Variants in UBA6 observed in about 807,000 individuals in gnomAD.
UBA6 encodes the protein ubiquitin-like modifier-activating enzyme 6.
A neutral mutation model predicts 148.3 loss-of-function variants in UBA6; 87 were observed. The observed-to-expected ratio is 0.59, with a 90% CI of 0.49 to 0.70. The LOEUF is 0.70. Ranked by LOEUF, UBA6 falls within the 30% of genes least tolerant of loss-of-function variation. The pLI, the probability that UBA6 is intolerant of heterozygous loss-of-function variation, is 0.00. For missense variants in UBA6, 1,186 were observed against 1,241.2 expected, an observed-to-expected ratio of 0.96 and a Z score of 0.67; for synonymous variants, 376 against 401.0, an observed-to-expected ratio of 0.94 and a Z score of 0.75.
chr4:67,699,934 A>G (rs993242745), intron 1 of UBA6, among the ~76,000 whole-genome samples: 5 of 151,996 alleles, frequency 3.3e-5, no homozygotes, highest in African/African-American at 1.2e-4. Flanking sequence ...CTTTCCTATC[A>G]TTTTATCCCT....
intron 22 of UBA6, among the ~76,000 whole-genome samples, chr4:67,633,910 G>A (rs1334725512): frequency 6.6e-6 from 1 of 151,928 alleles, no homozygotes; most frequent in African/African-American, 2.4e-5. Flanking sequence ...ATTTTAACTA[G>A]AACTTACCTC....
intron 6 of UBA6, among the ~76,000 whole-genome samples, chr4:67,674,316 C>G (rs1730223942): frequency 6.6e-6 from 1 of 152,146 alleles, no homozygotes; most frequent in South Asian, 2.1e-4. Context: ...GCCATGAATG[C>G]AAGGCCCTTA....
intron 17 of UBA6, 150 bp downstream of exon 17, chr4:67,644,548 A>G: frequency 1.8e-6 from 1 of 558,500 alleles, no homozygotes; most frequent in Non-Finnish European, 3.3e-6. Flanking sequence ...AGTTTTGAAA[A>G]GTGGTCAGAA....
intron 8 of UBA6, 71 bp from the exon 9 acceptor site, chr4:67,668,745 A>G: frequency 2.1e-6 from 3 of 1,417,046 alleles, no homozygotes; most frequent in Admixed American, 2.4e-5. Flanking sequence ...TCAAATCTTA[A>G]GCAAAAATGA....
rs1349911428 is a variant in UBA6 at position 67,665,177 on chromosome 4, A to C, written c.897+12T>G. On this transcript the variant is annotated intron_variant, in intron 10 of 32. Transcript: ENST00000322244. ...AAAAAAATGTTTTTTAAGCCGAAAAAAAAATACTTACAAAAAAAACTGTTT... is the reference window on the plus strand; with the variant it reads ...AAAAAAATGTTTTTTAAGCCGAAAACAAAATACTTACAAAAAAAACTGTTT... 5.3e-6 allele frequency: 8 copies of C among 1,521,068 alleles called. No individual in the cohort carries two copies. The highest frequency in any genetic ancestry group is 7.1e-6 in the Non-Finnish European group (8 of 1,132,040). The allele number at this position is 1,521,068 out of a possible 1,614,324, so 94.2% of individuals were successfully genotyped here.
Position 67,622,816 on chromosome 4 carries a change from A to G in UBA6, c.3023+15T>C. 3 of 1,578,966 alleles carry G rather than the reference A, an allele frequency of 1.9e-6. No homozygotes were observed. Among genetic ancestry groups the G allele is most frequent in the African/African-American group, 2.7e-5 (2 of 73,624 alleles). Reference sequence around the variant, plus strand: ...AAATTCTTGTTAATCGCTGCATATAATGTTGAATACTTACGTTAACTTCAA... The same window carrying G: ...AAATTCTTGTTAATCGCTGCATATAGTGTTGAATACTTACGTTAACTTCAA... On this transcript the variant is annotated intron_variant, in intron 32 of 32. Coordinates refer to ENST00000322244, the MANE Select transcript of UBA6 (RefSeq NM_018227.6).
chr4:67,667,260 A>C (rs1412140709), intron 9 of UBA6, among the ~76,000 whole-genome samples: 1 of 152,204 alleles, frequency 6.6e-6, no homozygotes, highest in Admixed American at 6.5e-5. Flanking sequence ...AATTAGATAT[A>C]GTCAGGAAAC....
chr4:67,631,616 C>G, intron 25 of UBA6, 92 bp downstream of exon 25: 1 of 952,912 alleles, frequency 1.0e-6, no homozygotes, highest in Non-Finnish European at 1.6e-6. Flanking sequence ...CATTAAAGAG[C>G]CTAAGGTTTT....
intron 1 of UBA6, among the ~76,000 whole-genome samples, chr4:67,698,298 A>G (rs1730887857): frequency 1.3e-5 from 2 of 152,134 alleles, no homozygotes; most frequent in African/African-American, 4.8e-5. Flanking sequence ...CTTACCGTTA[A>G]CTGTCTGCCA....
chr4:67,695,026 T>C (rs1730799335), intron 2 of UBA6, among the ~76,000 whole-genome samples: 1 of 152,248 alleles, frequency 6.6e-6, no homozygotes, highest in South Asian at 2.1e-4. Flanking sequence ...CGTAGCATTG[T>C]AAATGGAAAG....
At chr4:67,679,953 A>G (rs1407638383) in intron 4 of UBA6, among the ~76,000 whole-genome samples, 4 of 152,194 alleles carry the variant, frequency 2.6e-5, no homozygotes, top group African/African-American at 7.2e-5. Context: ...CTGAGCATCA[A>G]TGAAAATAAC....
At chr4:67,632,650 C>CT (rs1729026773) in intron 23 of UBA6, among the ~76,000 whole-genome samples, 1 of 152,122 alleles carries the variant, frequency 6.6e-6, no homozygotes, top group South Asian at 2.1e-4. Flanking sequence ...GTACAGACCA[C>CT]TTTTCCAAGA....
rs1729565492 is a variant in UBA6 at position 67,652,049 on chromosome 4, T to C, written c.1105-2838A>G. 2.0e-5 allele frequency among the ~76,000 whole-genome samples: 3 copies of C among 152,092 alleles called. No homozygotes were observed. The South Asian group carries it at 6.2e-4, about 32-fold the overall frequency. ...CATATGCAAAAATGAACTTATAAAA[T>C]TACAAAAATATGAATTGTCTAGAAG... On this transcript the variant is annotated intron_variant, in intron 13 of 32. Coordinates refer to ENST00000322244, the MANE Select transcript of UBA6 (RefSeq NM_018227.6).
Position 67,634,492 on chromosome 4 carries a change from T to C in UBA6, c.1869A>G (p.Pro623=). 1 of 1,585,174 alleles carries C rather than the reference T, an allele frequency of 6.3e-7. No individual in the cohort carries two copies. The highest frequency in any genetic ancestry group is 1.4e-5 in the African/African-American group (1 of 73,372). Residue 623 remains proline, a synonymous_variant, in exon 21 of 33, where the codon CCA becomes CCG. Coordinates refer to ENST00000322244, the MANE Select transcript of UBA6 (RefSeq NM_018227.6). The stretch of plus-strand genomic sequence containing the variant: ...CTGGAAAGGATTTTAGAGTACAAAA[T>C]GGTATTTCCTCTTCTGGGGGATCCC... ...SHRDPPEEEI[P]FCTLKSFPAA...
rs1011038134 is a variant in UBA6 at position 67,628,953 on chromosome 4, C to T, written c.2400+118G>A. The T allele has an allele frequency of 2.2e-5, 16 of 715,528 alleles. No individual in the cohort carries two copies. The Admixed American group carries it at 3.9e-4, about 17-fold the overall frequency. The allele number at this position is 715,528 out of a possible 1,614,324, so 44.3% of individuals were successfully genotyped here. A position where few individuals can be genotyped will look rare whatever the true frequency, so the allele number is the denominator to read the frequency against. ...ACAAATCTACTTCAAACTCAAGTTG[C>T]ACTGACAAGAGCAAGAGCAAGAACC... On this transcript the variant is annotated intron_variant, in intron 27 of 32. Coordinates refer to ENST00000322244, the MANE Select transcript of UBA6 (RefSeq NM_018227.6).
At position 67,645,921 on chromosome 4, in the gene UBA6, T is replaced by C; in HGVS notation, c.1395+17A>G. On this transcript the variant is annotated intron_variant, in intron 16 of 32. Transcript: ENST00000322244. ...TAGCAGTTTGAACATACTATTCCCA[T>C]GATTATTGATACTTACTAAGAAGAT... 2.7e-6 allele frequency: 4 copies of C among 1,497,390 alleles called. No homozygotes were observed. Among genetic ancestry groups the C allele is most frequent in the Non-Finnish European group, 2.8e-6 (3 of 1,090,430 alleles). The allele number at this position is 1,497,390 out of a possible 1,614,324, so 92.8% of individuals were successfully genotyped here. A position where few individuals can be genotyped will look rare whatever the true frequency, so the allele number is the denominator to read the frequency against.
intron 15 of UBA6, 70 bp from the exon 16 acceptor site, chr4:67,646,086 C>G (rs773584083): frequency 7.2e-6 from 6 of 834,756 alleles, no homozygotes; most frequent in Non-Finnish European, 1.1e-5. Context: ...GTCATTAATA[C>G]CAATTTAATG....
chr4:67,658,681 T>A (rs1729766214), intron 13 of UBA6, among the ~76,000 whole-genome samples: 1 of 151,886 alleles, frequency 6.6e-6, no homozygotes, highest in African/African-American at 2.4e-5. Context: ...AACCCTAAAG[T>A]TAAAAGTTAA....
At chr4:67,621,512 C>T (rs1728749270) in intron 32 of UBA6, among the ~76,000 whole-genome samples, 1 of 152,112 alleles carries the variant, frequency 6.6e-6, no homozygotes, top group Non-Finnish European at 1.5e-5. Flanking sequence ...AGCTAATATA[C>T]AGTACATGGG....
Sources: allele counts gnomAD v4.1 joint callset (sites outside exome capture counted in the v4.1 genomes callset), GRCh38; gene constraint gnomAD v4.1.1; transcripts MANE v1.5; gene names NCBI Gene and HGNC (gene_info 2026-07-23, HGNC 2026-07-21).